Variants in TRAT1 observed in about 807,000 individuals in gnomAD.
TRAT1 encodes T cell receptor associated transmembrane adaptor 1.
A neutral mutation model predicts 20.0 loss-of-function variants in TRAT1; 20 were observed. The observed-to-expected ratio is 1.00, with a 90% CI of 0.70 to 1.45. The LOEUF (loss-of-function observed/expected upper bound fraction) is 1.45. Among genes scored for constraint, TRAT1 ranks in the 40% most tolerant of loss-of-function variants. The pLI, the probability that TRAT1 is intolerant of heterozygous loss-of-function variation, is 0.00. For synonymous variants in TRAT1, 77 were observed against 74.2 expected (o/e 1.04, Z -0.20); for missense variants, 237 against 224.1 (o/e 1.06, Z -0.37).
At chr3:108,850,175 G>A (rs529300394) in intron 5 of TRAT1, among the ~76,000 whole-genome samples, 4 of 152,236 alleles carry the variant, frequency 2.6e-5, no homozygotes, top group East Asian at 1.9e-4. Context: ...TAAGTAGACA[G>A]AATCCAAACT....
chr3:108,830,505 C>T (rs1296202861), intron 1 of TRAT1, among the ~76,000 whole-genome samples, 165 bp from the exon 2 acceptor site: 3 of 152,176 alleles, frequency 2.0e-5, no homozygotes, highest in Non-Finnish European at 4.4e-5. Flanking sequence ...AACACCAACA[C>T]CCACTTTGAA....
intron 1 of TRAT1, among the ~76,000 whole-genome samples, chr3:108,828,522 GA>G (rs1480276921): frequency 6.6e-6 from 1 of 152,058 alleles, no homozygotes; most frequent in Non-Finnish European, 1.5e-5. Context: ...ATTCACATGG[GA>G]TATAATAGCA....
chr3:108,827,384 ATGTGTGTGTG>A (rs71103493), intron 1 of TRAT1, among the ~76,000 whole-genome samples: 17,895 of 145,148 alleles, frequency 0.12, 1,167 homozygotes, highest in East Asian at 0.21. Flanking sequence ...GTATGTGTGT[ATGTGTGTGTG>A]TGTGTGTGTG....
At chr3:108,827,463 TTATCTACTTAA>T (rs1945752319) in intron 1 of TRAT1, among the ~76,000 whole-genome samples, 1 of 151,342 alleles carries the variant, frequency 6.6e-6, no homozygotes, top group Non-Finnish European at 1.5e-5. Flanking sequence ...ATTTCCATCA[TTATCTACTTAA>T]TATCTACCCT....
At chr3:108,838,450 G>C (rs773592251) in intron 2 of TRAT1, among the ~76,000 whole-genome samples, 1 of 151,890 alleles carries the variant, frequency 6.6e-6, no homozygotes, top group Non-Finnish European at 1.5e-5. Flanking sequence ...TTCGTTTTTG[G>C]TAACAAAGAA....
Position 108,853,845 on chromosome 3 carries a change from T to C in TRAT1, c.529T>C (p.Leu177=), listed in dbSNP as rs1946021806. 4 of 1,614,150 alleles carry C rather than the reference T, an allele frequency of 2.5e-6. No homozygotes were observed. Among genetic ancestry groups the C allele is most frequent in the Non-Finnish European group, 3.4e-6 (4 of 1,179,982 alleles). The part of the protein sequence containing the change: ...IHDDPIRLFG[L]IRAKREPIN Reference sequence around the variant, plus strand: ...TGATGATCCCATCAGACTGTTTGGATTGATCCGTGCTAAGAGAGAACCTAT... The same window carrying C: ...TGATGATCCCATCAGACTGTTTGGACTGATCCGTGCTAAGAGAGAACCTAT... The change falls in exon 6 of 6, where the codon TTG becomes CTG. Residue 177 remains leucine, a synonymous_variant. Coordinates refer to ENST00000295756, the MANE Select transcript of TRAT1 (RefSeq NM_016388.4).
At chr3:108,849,386 T>C in intron 5 of TRAT1, 132 bp downstream of exon 5, 1 of 647,226 alleles carries the variant, frequency 1.5e-6, no homozygotes. Flanking sequence ...ACCTGAGCTC[T>C]AACTCAGGGT....
chr3:108,847,404 AT>A (rs1271794741), intron 4 of TRAT1: 2 of 292,978 alleles, frequency 6.8e-6, no homozygotes, highest in Admixed American at 1.1e-4. Flanking sequence ...ATTACCATGA[AT>A]TTCAACACAC....
At chr3:108,833,212 G>A (rs1419395098) in intron 2 of TRAT1, among the ~76,000 whole-genome samples, 1 of 152,148 alleles carries the variant, frequency 6.6e-6, no homozygotes, top group Non-Finnish European at 1.5e-5. Flanking sequence ...GAGGTCAGGA[G>A]TTCGAGACCA....
chr3:108,836,512 A>G (rs185271797), intron 2 of TRAT1, among the ~76,000 whole-genome samples: 13 of 152,166 alleles, frequency 8.5e-5, no homozygotes, highest in Non-Finnish European at 1.9e-4. Flanking sequence ...AGCATTACTT[A>G]TATATCTTTT....
At chr3:108,830,203 T>C (rs1378963402) in intron 1 of TRAT1, among the ~76,000 whole-genome samples, 1 of 152,224 alleles carries the variant, frequency 6.6e-6, no homozygotes, top group Non-Finnish European at 1.5e-5. Flanking sequence ...CCAGAATTAT[T>C]GTTTTATCCC....
chr3:108,849,903 G>T lies in TRAT1; in HGVS notation c.303+649G>T, dbSNP rs148654941. 1.9e-3 allele frequency among the ~76,000 whole-genome samples: 284 copies of T among 152,250 alleles called. 2 individuals are homozygous for T. Among genetic ancestry groups the T allele is most frequent in the African/African-American group, 6.6e-3 (274 of 41,556 alleles). The stretch of plus-strand genomic sequence containing the variant: ...GTTCTAACTTTATTAAAAGCCATTA[G>T]AAATTTTTAGCCTACATGCTCCTGA... On this transcript the variant is annotated intron_variant, in intron 5 of 5. Coordinates refer to ENST00000295756, the MANE Select transcript of TRAT1 (RefSeq NM_016388.4).
At chr3:108,847,748 G>T (rs1324102630) in intron 4 of TRAT1, among the ~76,000 whole-genome samples, 6 of 152,112 alleles carry the variant, frequency 3.9e-5, no homozygotes. Context: ...ACCTTGGTCT[G>T]ATTCTAGAGT....
chr3:108,825,316 G>A (rs1945727525), intron 1 of TRAT1, among the ~76,000 whole-genome samples: 1 of 151,910 alleles, frequency 6.6e-6, no homozygotes, highest in South Asian at 2.1e-4. Context: ...CTGTGTTTCT[G>A]CATTTACATA....
At chr3:108,839,656 A>AG (rs1267698279) in intron 3 of TRAT1, among the ~76,000 whole-genome samples, 1 of 151,938 alleles carries the variant, frequency 6.6e-6, no homozygotes, top group African/African-American at 2.4e-5. Flanking sequence ...AGAAAAAAAA[A>AG]AAAAAAAGAT....
At position 108,854,545 on chromosome 3, in the gene TRAT1, T is replaced by C. The variant is rs1432838680; in HGVS notation, c.*668T>C. On this transcript the variant is annotated 3_prime_UTR_variant, in exon 6 of 6. Transcript: ENST00000295756. ...ACTTGGAGAAACTTTCTATATATCC[T>C]TCTAAATATTTTTCTGGGCATGCTT... The C allele has an allele frequency of 2.0e-5, 3 of 152,180 alleles. No homozygotes were observed. Among genetic ancestry groups the C allele is most frequent in the Admixed American group, 6.5e-5 (1 of 15,284 alleles). The allele number at this position is 152,180 out of a possible 1,614,324, so 9.4% of individuals were successfully genotyped here.
At chr3:108,848,073 CTT>C (rs1251337935) in intron 4 of TRAT1, among the ~76,000 whole-genome samples, 1 of 152,152 alleles carries the variant, frequency 6.6e-6, no homozygotes, top group Non-Finnish European at 1.5e-5. Flanking sequence ...CCCCATTTCA[CTT>C]TGGAGAATCA....
chr3:108,828,005 C>T (rs1335932609), intron 1 of TRAT1, among the ~76,000 whole-genome samples: 1 of 152,044 alleles, frequency 6.6e-6, no homozygotes, highest in Non-Finnish European at 1.5e-5. Context: ...TATTTCAATT[C>T]TCTCTTTAAT....
Position 108,838,080 on chromosome 3 carries a change from A to G in TRAT1, c.119-854A>G, listed in dbSNP as rs533813784. Among the ~76,000 whole-genome samples, 4 of 152,288 alleles carry G rather than the reference A, an allele frequency of 2.6e-5. No homozygotes were observed. In the East Asian group the frequency reaches 7.7e-4, roughly 29 times the overall value. ...TTCTGTGGTTTTGTTGTCCTACAAC[A>G]CATCTCTGGTAAGTCTTGTCCTGGC... On this transcript the variant is annotated intron_variant, in intron 2 of 5. Transcript: ENST00000295756.
Sources: gnomAD v4.1 joint callset for allele counts (sites outside exome capture counted in the v4.1 genomes callset) on GRCh38, gnomAD v4.1.1 for gene constraint, MANE v1.5 for transcripts, NCBI Gene and HGNC (gene_info 2026-07-23, HGNC 2026-07-21) for gene names.